Variants in BICD1 observed in about 807,000 individuals in gnomAD.
BICD1 encodes BICD cargo adaptor 1.
Under a neutral mutation model 92.5 loss-of-function variants are expected in BICD1, and 35 were observed. That is an observed-to-expected ratio of 0.38 (90% confidence interval 0.29 to 0.50). BICD1 has a LOEUF of 0.50. Among genes scored for constraint, BICD1 ranks in the 20% least tolerant of loss-of-function variants. BICD1 has a pLI of 0.93. For synonymous variants in BICD1, 429 were observed against 465.1 expected (o/e 0.92, Z 1.00); for missense variants, 950 against 1,189.8 (o/e 0.80, Z 2.97).
intron 1 of BICD1, among the ~76,000 whole-genome samples, chr12:32,209,432 A>C (rs1020931177): frequency 6.6e-6 from 1 of 152,236 alleles, no homozygotes; most frequent in Admixed American, 6.5e-5. Flanking sequence ...TTTAATGCTG[A>C]ATTTCCTGGC....
At chr12:32,254,219 T>C (rs1176949515) in intron 2 of BICD1, among the ~76,000 whole-genome samples, 1 of 129,380 alleles carries the variant, frequency 7.7e-6, no homozygotes, top group African/African-American at 3.0e-5. Context: ...ACTGCCATAT[T>C]CCACATGTCA....
At position 32,177,044 on chromosome 12, in the gene BICD1, G is replaced by A. The variant is rs2121519621; in HGVS notation, c.214-39203G>A. Among the ~76,000 whole-genome samples, 3 of 151,862 alleles carry A rather than the reference G, an allele frequency of 2.0e-5. No homozygotes were observed. In the South Asian group the frequency reaches 6.3e-4, roughly 32 times the overall value. On this transcript the variant is annotated intron_variant, in intron 1 of 9. Coordinates refer to ENST00000652176, the MANE Select transcript of BICD1 (RefSeq NM_001714.4). ...AATTACAGTTTTTTGGCCGGGCATG[G>A]TGGCTCACGCCTGTAATCCCAGCAC...
intron 1 of BICD1, among the ~76,000 whole-genome samples, chr12:32,191,656 AAT>A (rs1944571549): frequency 2.1e-5 from 3 of 143,964 alleles, no homozygotes; most frequent in South Asian, 2.2e-4. Context: ...TGTTATATGC[AAT>A]ATATGTTATA....
At chr12:32,165,253 T>C (rs1006832107) in intron 1 of BICD1, among the ~76,000 whole-genome samples, 3 of 152,094 alleles carry the variant, frequency 2.0e-5, no homozygotes, top group African/African-American at 4.8e-5. Context: ...CGGTGGCTCA[T>C]GCCTGTAATC....
In BICD1 at chr12:32,337,922, A is replaced by T; in HGVS notation, c.2570+106A>T. The T allele has an allele frequency of 8.0e-7, 1 of 1,251,318 alleles. No individual in the cohort carries two copies. Among genetic ancestry groups the T allele is most frequent in the Non-Finnish European group, 1.1e-6 (1 of 885,772 alleles). 77.5% of individuals were successfully genotyped at this position (1,251,318 alleles called of 1,614,324 possible). Reference sequence around the variant, plus strand: ...GAGGATGGAGGAGGGGAAGCAAAAGAAAAAATGGGAGCTGGCATATAAATG... The same window carrying T: ...GAGGATGGAGGAGGGGAAGCAAAAGTAAAAATGGGAGCTGGCATATAAATG... On this transcript the variant is annotated intron_variant, in intron 7 of 9. Transcript: ENST00000652176. This position sits in a 1 kb window ranked among gnomAD's most constrained non-coding sequence, Gnocchi z 4.7.
At chr12:32,323,765 T>C (rs1286382504) in intron 4 of BICD1, among the ~76,000 whole-genome samples, 2 of 152,212 alleles carry the variant, frequency 1.3e-5, no homozygotes, top group Admixed American at 6.5e-5. Flanking sequence ...TTGGTTTGCA[T>C]AGTAGTCTGG....
chr12:32,142,486 C>CTATCTATCTATCTATCTATCTATA (rs1329403983), intron 1 of BICD1, among the ~76,000 whole-genome samples: 7 of 125,044 alleles, frequency 5.6e-5, no homozygotes, highest in African/African-American at 2.0e-4. Context: ...ATCTATCTAT[C>CTATCTATCTATCTATCTATCTATA]TATTGGTCTA....
chr12:32,370,117 C>T (rs1471938645), intron 9 of BICD1, among the ~76,000 whole-genome samples: 1 of 151,996 alleles, frequency 6.6e-6, no homozygotes, highest in African/African-American at 2.4e-5. Context: ...GCCTGTAATC[C>T]CAGCACTTTG....
chr12:32,377,966 G>A lies in BICD1; in HGVS notation c.*339G>A, dbSNP rs200991719. 3 of 178,930 alleles carry A rather than the reference G, an allele frequency of 1.7e-5. No individual in the cohort carries two copies. The highest frequency in any genetic ancestry group is 3.5e-5 in the Non-Finnish European group (3 of 84,892). The allele number at this position is 178,930 out of a possible 1,614,324, so 11.1% of individuals were successfully genotyped here. Reference sequence around the variant, plus strand: ...GAGAGACCTAAGACATGTAAAATACGTATATTGCAGTATCATCTTTCCTCA... The same window carrying A: ...GAGAGACCTAAGACATGTAAAATACATATATTGCAGTATCATCTTTCCTCA... On this transcript the variant is annotated 3_prime_UTR_variant, in exon 10 of 10. Coordinates refer to ENST00000652176, the MANE Select transcript of BICD1 (RefSeq NM_001714.4).
At chr12:32,350,794 GA>G (rs879460558) in intron 8 of BICD1, among the ~76,000 whole-genome samples, 14 of 152,284 alleles carry the variant, frequency 9.2e-5, no homozygotes, top group Admixed American at 9.2e-4. Context: ...CAAAATGGTT[GA>G]CTATTCCATT....
chr12:32,170,486 G>A (rs1219108020), intron 1 of BICD1, among the ~76,000 whole-genome samples: 1 of 152,160 alleles, frequency 6.6e-6, no homozygotes, highest in Non-Finnish European at 1.5e-5. Context: ...ATATTATTTA[G>A]TCATTTCTCT....
chr12:32,236,482 A>G (rs1242807617), intron 2 of BICD1, among the ~76,000 whole-genome samples: 3 of 152,110 alleles, frequency 2.0e-5, no homozygotes, highest in Admixed American at 6.6e-5. Context: ...GCTATTTCCC[A>G]TCTTTCTCCT....
At chr12:32,321,983 AGT>A (rs1948672758) in intron 4 of BICD1, among the ~76,000 whole-genome samples, 1 of 152,226 alleles carries the variant, frequency 6.6e-6, no homozygotes, top group Admixed American at 6.5e-5. Context: ...TGGGCGACAG[AGT>A]GAGACTCCGT....
In BICD1 at chr12:32,305,918, AG is replaced by A; in HGVS notation, c.802del (p.Asp268MetfsTer18). The A allele has an allele frequency of 6.2e-7, 1 of 1,614,214 alleles. No individual in the cohort carries two copies. On this transcript the variant is annotated frameshift_variant, in exon 4 of 10. Transcript: ENST00000652176. LOFTEE classifies it high-confidence loss of function. Reference protein sequence around the residue: ...LNDNHISISVDGLKFAEDGSE... With the variant: ...LNDNHISISVXGLKFAEDGSE... ...ATGATAACCATATCAGCATCTCAGT[AG>A]ATGGACTCAAATTTGCCGAGGATGG...
chr12:32,358,084 C>G (rs1222985657), intron 8 of BICD1, among the ~76,000 whole-genome samples: 2 of 152,044 alleles, frequency 1.3e-5, no homozygotes, highest in African/African-American at 4.8e-5. Flanking sequence ...TTATGACTAC[C>G]AATCTCAGTT....
intron 2 of BICD1, among the ~76,000 whole-genome samples, chr12:32,249,218 T>G (rs1946467071): frequency 6.6e-6 from 1 of 152,082 alleles, no homozygotes; most frequent in South Asian, 2.1e-4. Context: ...AAAAAAAGAT[T>G]TGAAGAAACA....
intron 1 of BICD1, among the ~76,000 whole-genome samples, chr12:32,142,612 C>T (rs943646828): frequency 2.0e-5 from 3 of 152,314 alleles, no homozygotes; most frequent in Admixed American, 1.3e-4. Flanking sequence ...CTTCGCTTCA[C>T]ATCTGACTCT....
intron 1 of BICD1, among the ~76,000 whole-genome samples, chr12:32,213,922 G>T (rs1945284211): frequency 6.6e-6 from 1 of 152,070 alleles, no homozygotes. Context: ...TACTATTGAT[G>T]ATTCTTACCT....
In BICD1 at chr12:32,245,513, C is replaced by A. The variant is rs138057557; in HGVS notation, c.426+29054C>A. Among the ~76,000 whole-genome samples the A allele has an allele frequency of 3.9e-4, 59 of 152,256 alleles. No homozygotes were observed. In the East Asian group the frequency reaches 8.9e-3, roughly 23 times the overall value. On this transcript the variant is annotated intron_variant, in intron 2 of 9. Transcript: ENST00000652176. ...ATGTAATCCAAATCATCAGCAGGAACAAAGGAGGCCATATAGCTTAGCAAT... is the reference window on the plus strand; with the variant it reads ...ATGTAATCCAAATCATCAGCAGGAAAAAAGGAGGCCATATAGCTTAGCAAT...
Sources: allele counts gnomAD v4.1 joint callset (sites outside exome capture counted in the v4.1 genomes callset), GRCh38; gene constraint gnomAD v4.1.1; non-coding constraint Gnocchi (gnomAD v3.1); transcripts MANE v1.5; gene names NCBI Gene and HGNC (gene_info 2026-07-23, HGNC 2026-07-21).